Variants in GARIN4 observed in about 807,000 individuals in gnomAD.
GARIN4 encodes the protein golgi associated RAB2 interactor family member 4.
At chr1:212,625,363 C>T in the GARIN4 span, 1 of 1,614,208 alleles carries the variant, frequency 6.2e-7, no homozygotes. Flanking sequence ...CACGGGATGA[C>T]CTCTTTGCCT....
chr1:212,625,353 C>A, the GARIN4 span: 1 of 1,614,274 alleles, frequency 6.2e-7, no homozygotes, highest in Non-Finnish European at 8.5e-7. Context: ...GCTCTTGACA[C>A]ACGGGATGAC....
At chr1:212,625,698 G>A in the GARIN4 span, 2 of 1,613,952 alleles carry the variant, frequency 1.2e-6, no homozygotes, top group African/African-American at 1.3e-5. Context: ...GCAACAGGGG[G>A]GATTAAAGAG....
the GARIN4 span, chr1:212,624,809 C>G: frequency 6.8e-7 from 1 of 1,464,386 alleles, no homozygotes; most frequent in Non-Finnish European, 9.0e-7. Context: ...GGTCCCTCAT[C>G]TGCCACCGAG....
At chr1:212,624,644 T>A in the GARIN4 span, 1 of 582,336 alleles carries the variant, frequency 1.7e-6, no homozygotes, top group Non-Finnish European at 2.7e-6. Flanking sequence ...GAGTCTGGAG[T>A]CCAGGCACCC....
the GARIN4 span, chr1:212,625,095 T>C: frequency 6.2e-7 from 1 of 1,614,102 alleles, no homozygotes; most frequent in Non-Finnish European, 8.5e-7. Flanking sequence ...ACCATGGGCA[T>C]TGCACGTACC....
chr1:212,625,158 G>A, the GARIN4 span: 44 of 1,614,158 alleles, frequency 2.7e-5, no homozygotes, highest in African/African-American at 4.5e-4. Context: ...CCGGCCACCG[G>A]CTGCGAAGAG....
chr1:212,626,236 G>T, the GARIN4 span: 52 of 1,614,088 alleles, frequency 3.2e-5, no homozygotes, highest in Non-Finnish European at 4.4e-5. Flanking sequence ...GGGGAGACAA[G>T]ATTGCCCAAA....
chr1:212,625,813 A>G, the GARIN4 span: 1 of 1,614,220 alleles, frequency 6.2e-7, no homozygotes, highest in Admixed American at 1.7e-5. Flanking sequence ...GCGCAGCCAT[A>G]GCTGGGGCGG....
At chr1:212,625,865 G>T in the GARIN4 span, 4 of 1,614,262 alleles carry the variant, frequency 2.5e-6, no homozygotes, top group Admixed American at 6.7e-5. Context: ...CATGGCCCTT[G>T]CAGGCACTGC....
the GARIN4 span, chr1:212,625,114 C>G: frequency 1.7e-5 from 28 of 1,614,058 alleles, no homozygotes; most frequent in Non-Finnish European, 2.3e-5. Context: ...CCAGCCCCAT[C>G]CTCCCACTCC....
chr1:212,625,800 T>G, the GARIN4 span: 1 of 1,614,024 alleles, frequency 6.2e-7, no homozygotes, highest in Non-Finnish European at 8.5e-7. Flanking sequence ...CCTGGACAGG[T>G]GAGCGCAGCC....
At chr1:212,626,323 G>C in the GARIN4 span, 1 of 1,614,190 alleles carries the variant, frequency 6.2e-7, no homozygotes, top group South Asian at 1.1e-5. Flanking sequence ...GCAACCCGGG[G>C]AGCAGCAGGC....
chr1:212,625,467 TG>T, the GARIN4 span: 1 of 1,614,156 alleles, frequency 6.2e-7, no homozygotes, highest in Non-Finnish European at 8.5e-7. Flanking sequence ...TGGATGCCTG[TG>T]TTTCAGGAAG....
the GARIN4 span, chr1:212,625,007 C>T: frequency 8.7e-6 from 14 of 1,614,142 alleles, no homozygotes; most frequent in Non-Finnish European, 1.2e-5. Flanking sequence ...CAAGTATGCA[C>T]CGATATTTGA....
At chr1:212,626,213 C>T in the GARIN4 span, 105 of 1,614,028 alleles carry the variant, frequency 6.5e-5, no homozygotes, top group Non-Finnish European at 8.1e-5. Flanking sequence ...AGGTGAAAGC[C>T]GCCACAAAAC....
the GARIN4 span, chr1:212,624,609 C>T: frequency 2.6e-6 from 1 of 379,082 alleles, no homozygotes; most frequent in Non-Finnish European, 4.6e-6. Flanking sequence ...CTCTGGAGCC[C>T]ACCCTGCATC....
chr1:212,624,964 G>A, the GARIN4 span: 3 of 1,614,204 alleles, frequency 1.9e-6, no homozygotes, highest in Non-Finnish European at 2.5e-6. Flanking sequence ...GGAAACTGCA[G>A]CGACAACTGT....
the GARIN4 span, chr1:212,626,370 T>A: frequency 4.3e-6 from 7 of 1,613,946 alleles, no homozygotes; most frequent in African/African-American, 8.0e-5. Context: ...CACACGCCCA[T>A]CTCAAAGGAG....
chr1:212,624,583 G>T, the GARIN4 span: 1 of 297,426 alleles, frequency 3.4e-6, no homozygotes, highest in Non-Finnish European at 6.2e-6. Flanking sequence ...AGGGGGTTAG[G>T]TCCAGAAGAA....
Sources: allele counts gnomAD v4.1 joint callset, GRCh38; gene constraint gnomAD v4.1.1; transcripts MANE v1.5; gene names NCBI Gene and HGNC (gene_info 2026-07-23, HGNC 2026-07-21).